ZNF540: variants seen among roughly 807,000 people sequenced by gnomAD.
ZNF540 encodes the protein CTD-3064H18.6.
ZNF540 carries 3 observed loss-of-function variants against 11.8 expected under a neutral mutation model. The observed-to-expected ratio is 0.25, with a 90% CI of 0.12 to 0.65. The LOEUF (loss-of-function observed/expected upper bound fraction) is 0.65, where lower values mean the gene tolerates loss of function less well. Ranked by LOEUF, ZNF540 falls within the 30% of genes least tolerant of loss-of-function variation. The pLI is 0.83. For synonymous variants in ZNF540, 247 were observed against 259.0 expected (o/e 0.95, Z 0.45); for missense variants, 709 against 793.1 (o/e 0.89, Z 1.27).
intron 1 of ZNF540, chr19:37,564,851 C>T (rs1209708839): frequency 1.9e-6 from 3 of 1,614,044 alleles, no homozygotes; most frequent in South Asian, 2.2e-5. Context: ...AGGTTTTTCA[C>T]CTCTGTGAAT....
intron 4 of ZNF540, among the ~76,000 whole-genome samples, chr19:37,603,879 G>A (rs985299458): frequency 2.0e-5 from 3 of 152,030 alleles, no homozygotes; most frequent in African/African-American, 7.2e-5. Flanking sequence ...ATTCTGATTT[G>A]TATTTTATTT....
intron 4 of ZNF540, among the ~76,000 whole-genome samples, chr19:37,604,024 A>G (rs1415626599): frequency 7.0e-6 from 1 of 142,998 alleles, no homozygotes; most frequent in African/African-American, 2.7e-5. Context: ...GCTTATCATA[A>G]TTTTATAAAA....
chr19:37,589,462 T>C (rs1489208332), intron 1 of ZNF540, among the ~76,000 whole-genome samples: 5 of 151,180 alleles, frequency 3.3e-5, no homozygotes, highest in African/African-American at 1.2e-4. Flanking sequence ...AAAATCATTA[T>C]TTTAAATGGA....
chr19:37,583,028 C>T (rs2043528767), intron 1 of ZNF540, among the ~76,000 whole-genome samples: 1 of 152,206 alleles, frequency 6.6e-6, no homozygotes, highest in Admixed American at 6.5e-5. Context: ...GCCTATTTCT[C>T]TAACCTCACC....
chr19:37,598,376 G>A lies in ZNF540; in HGVS notation c.-72G>A. 1 of 1,566,166 alleles carries A rather than the reference G, an allele frequency of 6.4e-7. No individual in the cohort carries two copies. Among genetic ancestry groups the A allele is most frequent in the Non-Finnish European group, 8.8e-7 (1 of 1,142,546 alleles). ...CTCATTTTTTTCTCCTCTAACTCAG[G>A]CTTCTCAGAACTTTGCTTCTCCAGC... On this transcript the variant is annotated splice_region_variant and 5_prime_UTR_variant, in exon 2 of 5. Transcript: ENST00000316433.
chr19:37,564,671 T>C lies in ZNF540; in HGVS notation c.-73+13006T>C, dbSNP rs1433843921. 6 of 1,613,126 alleles carry C rather than the reference T, an allele frequency of 3.7e-6. No homozygotes were observed. In the Admixed American group the frequency reaches 1.0e-4, roughly 27 times the overall value. On this transcript the variant is annotated intron_variant, in intron 1 of 4. Transcript: ENST00000592533. ...GTCTTTACCACACTGGACACATGTA[T>C]AGGGTTTCTCACCAGTATGGATCCT...
Position 37,612,283 on chromosome 19 carries a change from G to C in ZNF540, c.1003G>C (p.Ala335Pro). 1.2e-6 allele frequency: 2 copies of C among 1,613,630 alleles called. No individual in the cohort carries two copies. The highest frequency in any genetic ancestry group is 1.7e-6 in the Non-Finnish European group (2 of 1,179,914). Residue 335 changes from alanine (A) to proline (P), a missense_variant, in exon 5 of 5, where the codon GCT becomes CCT. By Grantham distance (27) the Ala-to-Pro change is conservative. Transcript: ENST00000316433. ...CTATGAATGTAAGGAGTGTGGGAAAGCTTTTAGTGTATGCGGACAACTTAC... is the reference window on the plus strand; with the variant it reads ...CTATGAATGTAAGGAGTGTGGGAAACCTTTTAGTGTATGCGGACAACTTAC... ...KPYECKECGK[A>P]FSVCGQLTRH...
upstream of ZNF540, among the ~76,000 whole-genome samples, chr19:37,593,441 C>T (rs1348764044): frequency 6.6e-6 from 1 of 152,180 alleles, no homozygotes; most frequent in African/African-American, 2.4e-5. Context: ...CGGTGGCTCA[C>T]GCCTGTAATC....
At chr19:37,606,408 C>T (rs1038282095) in intron 4 of ZNF540, among the ~76,000 whole-genome samples, 3 of 152,148 alleles carry the variant, frequency 2.0e-5, no homozygotes, top group Non-Finnish European at 2.9e-5. Context: ...ATTGTGTGGA[C>T]ATATGTCTTA....
At chr19:37,562,437 A>G (rs770579128) in intron 1 of ZNF540, 3 of 152,156 alleles carry the variant, frequency 2.0e-5, no homozygotes, top group Non-Finnish European at 2.9e-5. Context: ...ATAACACTGC[A>G]TATAGAAAAG....
At chr19:37,564,768 C>T (rs149435363) in intron 1 of ZNF540, 2 of 1,613,940 alleles carry the variant, frequency 1.2e-6, no homozygotes, top group East Asian at 2.2e-5. Context: ...GGTTTCTCTC[C>T]AGTATGAGTT....
At chr19:37,561,049 A>C (rs1174899675) in intron 1 of ZNF540, among the ~76,000 whole-genome samples, 2 of 35,270 alleles carry the variant, frequency 5.7e-5, no homozygotes, top group African/African-American at 1.7e-4. Flanking sequence ...CTGTCTCTAC[A>C]AAAAAAAAAA....
Position 37,613,331 on chromosome 19 carries a change from G to A in ZNF540, c.*68G>A. 8.6e-7 allele frequency: 1 copy of A among 1,160,952 alleles called. No homozygotes were observed. Among genetic ancestry groups the A allele is most frequent in the Non-Finnish European group, 1.2e-6 (1 of 867,274 alleles). The allele number at this position is 1,160,952 out of a possible 1,614,324, so 71.9% of individuals were successfully genotyped here. On this transcript the variant is annotated 3_prime_UTR_variant, in exon 5 of 5. Transcript: ENST00000316433. ...CAAAATATTTATGGCCAGAAGTTCT[G>A]TCAATGTGTTGATGTTTTTTTACAC...
chr19:37,558,859 C>G (rs907020170), intron 1 of ZNF540, among the ~76,000 whole-genome samples: 35 of 151,402 alleles, frequency 2.3e-4, no homozygotes, highest in Admixed American at 2.1e-3. Context: ...GAGAGAGAGA[C>G]AGAGAGAGAG....
At chr19:37,560,132 G>A (rs996856082) in intron 1 of ZNF540, among the ~76,000 whole-genome samples, 1 of 151,832 alleles carries the variant, frequency 6.6e-6, no homozygotes, top group African/African-American at 2.4e-5. Flanking sequence ...ATAAAAATTA[G>A]CTGGGCATGG....
intron 1 of ZNF540, chr19:37,566,414 A>G: frequency 8.8e-7 from 1 of 1,135,064 alleles, no homozygotes; most frequent in Non-Finnish European, 1.2e-6. Context: ...CAGTACAGAA[A>G]TATTTTCTGC....
chr19:37,565,775 G>C (rs764603839), intron 1 of ZNF540: 5 of 1,613,624 alleles, frequency 3.1e-6, no homozygotes, highest in Non-Finnish European at 4.2e-6. Context: ...TTTTTCATTA[G>C]TATGAATTTT....
At chr19:37,560,701 T>A (rs62111489) in intron 1 of ZNF540, 1 of 152,144 alleles carries the variant, frequency 6.6e-6, no homozygotes, top group South Asian at 2.1e-4. Flanking sequence ...AAAGTAAAGC[T>A]TCGTTTTGAA....
intron 1 of ZNF540, chr19:37,555,045 A>G (rs2042645255): frequency 6.6e-6 from 1 of 152,260 alleles, no homozygotes; most frequent in Non-Finnish European, 1.5e-5. Context: ...GTTATCAATC[A>G]GATGAATTCC....
Sources: gnomAD v4.1 joint callset for allele counts (sites outside exome capture counted in the v4.1 genomes callset) on GRCh38, gnomAD v4.1.1 for gene constraint, MANE v1.5 for transcripts, NCBI Gene and HGNC (gene_info 2026-07-23, HGNC 2026-07-21) for gene names.